The following JMJD6 variants were observed in gnomAD, a reference collection of about 807,000 sequenced individuals.
JMJD6 encodes bifunctional arginine demethylase and lysyl-hydroxylase JMJD6.
A neutral mutation model predicts 45.8 loss-of-function variants in JMJD6; 17 were observed. The ratio of observed to expected loss-of-function variants is 0.37; its 90% CI spans 0.25 to 0.56. The LOEUF is 0.56. JMJD6 is among the 20% of genes least tolerant of loss of function. JMJD6 has a pLI of 0.79. For missense variants in JMJD6, 470 were observed against 517.5 expected (o/e 0.91, Z 0.89); for synonymous variants, 221 against 196.3 (o/e 1.13, Z -1.05).
In JMJD6 at chr17:76,720,493, A is replaced by C; in HGVS notation, c.947T>G (p.Leu316Trp). The C allele has an allele frequency of 6.2e-7, 1 of 1,614,012 alleles. No individual in the cohort carries two copies. The highest frequency in any genetic ancestry group is 8.5e-7 in the Non-Finnish European group (1 of 1,179,928). The change falls in exon 5 of 6, where the codon TTG becomes TGG. Residue 316 changes from leucine to tryptophan, a missense_variant. Coordinates refer to ENST00000397625, the MANE Select transcript of JMJD6 (RefSeq NM_015167.3). Reference sequence around the variant, plus strand: ...TGCCAACTCGGGGTGCTCTTGCTTCAAAATCCTGAGAGGCAAGAAGTGTTG... The same window carrying C: ...TGCCAACTCGGGGTGCTCTTGCTTCCAAATCCTGAGAGGCAAGAAGTGTTG... ...PKLSRKWYRI[L>W]KQEHPELAVL...
rs556078787 is a variant in JMJD6, at chr17:76,726,380, G to A, written c.96C>T (p.Tyr32=). ...CCGCCGGGCTCAGCGAGAAGCTCTC[G>A]TAGTAGTTGTGCCGGGTCCAATCCA... ...DSLDWTRHNY[Y]ESFSLSPAAV... Residue 32 remains tyrosine, a synonymous_variant, in exon 1 of 6, where the codon TAC becomes TAT. Coordinates refer to ENST00000397625, the MANE Select transcript of JMJD6 (RefSeq NM_015167.3). 722 of 1,602,350 alleles carry A rather than the reference G, an allele frequency of 4.5e-4. 3 individuals are homozygous for A. In the South Asian group the frequency reaches 7.1e-3, roughly 16 times the overall value.
Position 76,721,798 on chromosome 17 carries a change from C to A in JMJD6, c.941G>T (p.Arg314Met), listed in dbSNP as rs2076828310. The A allele has an allele frequency of 6.2e-7, 1 of 1,613,724 alleles. No individual in the cohort carries two copies. The highest frequency in any genetic ancestry group is 8.5e-7 in the Non-Finnish European group (1 of 1,179,898). Residue 314 changes from arginine to methionine, a missense_variant and splice_region_variant, in exon 4 of 6, where the codon AGG (arginine) becomes ATG (methionine). Arg to Met is a moderately conservative substitution (Grantham distance 91, BLOSUM62 -1). This residue lies in a region of JMJD6 where 58 missense variants were observed against 103.9 expected (regional missense o/e 0.56). Coordinates refer to ENST00000397625, the MANE Select transcript of JMJD6 (RefSeq NM_015167.3). ...GRPKLSRKWYRILKQEHPELA... is the reference protein window; with the variant it reads ...GRPKLSRKWYMILKQEHPELA... ...GAAATAAGAAAAAAATGACTCTCAC[C>A]TATACCATTTCCTTGATAACTTTGG...
At chr17:76,717,774 A>G (rs945768755), downstream of JMJD6, among the ~76,000 whole-genome samples, 1 of 152,002 alleles carries the variant, frequency 6.6e-6, no homozygotes, top group Non-Finnish European at 1.5e-5. Context: ...GCGGATCACA[A>G]GGTCAGAAGT....
chr17:76,722,617 G>A (rs1365204898), intron 3 of JMJD6, among the ~76,000 whole-genome samples: 7 of 152,082 alleles, frequency 4.6e-5, no homozygotes, highest in South Asian at 4.1e-4. Context: ...AGGCTGAGAC[G>A]GGTGGGTTGC....
intron 2 of JMJD6, among the ~76,000 whole-genome samples, chr17:76,725,130 C>T (rs1213574245): frequency 6.6e-6 from 1 of 152,162 alleles, no homozygotes; most frequent in African/African-American, 2.4e-5. Context: ...AACCACAGGC[C>T]GGGCGCGGTG....
At chr17:76,722,224 C>T (rs950009920) in intron 3 of JMJD6, among the ~76,000 whole-genome samples, 3 of 152,148 alleles carry the variant, frequency 2.0e-5, no homozygotes, top group Admixed American at 6.5e-5. Context: ...ATTGACTCCC[C>T]GGCCCTTTAT....
At chr17:76,714,595 C>A (rs988127181), downstream of JMJD6, 3 of 152,590 alleles carry the variant, frequency 2.0e-5, no homozygotes, top group African/African-American at 7.2e-5. Flanking sequence ...GAGACAGTAA[C>A]GGGGGTTGGG....
chr17:76,719,281 T>A (rs774111076), intron 5 of JMJD6, among the ~76,000 whole-genome samples: 1 of 101,888 alleles, frequency 9.8e-6, no homozygotes, highest in African/African-American at 3.9e-5. Context: ...GTAGACTGTG[T>A]GAAAAGACAG....
chr17:76,723,298 C>T (rs528186371), intron 3 of JMJD6, among the ~76,000 whole-genome samples: 1 of 152,212 alleles, frequency 6.6e-6, no homozygotes, highest in South Asian at 2.1e-4. Context: ...CAAGAGCTCC[C>T]AAAGTATGTG....
exon 7 of JMJD6, chr17:76,712,883 G>A (rs1374891682): frequency 6.6e-6 from 1 of 152,196 alleles, no homozygotes; most frequent in African/African-American, 2.4e-5. Flanking sequence ...TTTCACCCAA[G>A]TGAAAGTTTA....
chr17:76,719,882 G>A (rs930770366), intron 5 of JMJD6, among the ~76,000 whole-genome samples: 1 of 152,214 alleles, frequency 6.6e-6, no homozygotes, highest in Admixed American at 6.5e-5. Flanking sequence ...AGCACTTTGG[G>A]AGGCTGAGGC....
chr17:76,721,114 T>A (rs572391483), intron 4 of JMJD6: 1 of 203,050 alleles, frequency 4.9e-6, no homozygotes, highest in South Asian at 6.8e-5. Context: ...AGGCCTGCGG[T>A]GTGACCAAAT....
Position 76,725,702 on chromosome 17 carries a change from G to A in JMJD6, c.283C>T (p.Arg95Trp), listed in dbSNP as rs2076909886. ...WTLERLKRKY[R>W]NQKFKCGEDN... Reference sequence around the variant, plus strand: ...TCACCACACTTGAACTTCTGGTTCCGATATTTCCTTTTTAGGCGCTCCAGA... The same window carrying A: ...TCACCACACTTGAACTTCTGGTTCCAATATTTCCTTTTTAGGCGCTCCAGA... The change falls in exon 2 of 6, where the codon CGG becomes TGG. Residue 95 changes from arginine to tryptophan, a missense_variant. Coordinates refer to ENST00000397625, the MANE Select transcript of JMJD6 (RefSeq NM_015167.3). 1 of 1,614,034 alleles carries A rather than the reference G, an allele frequency of 6.2e-7. No individual in the cohort carries two copies. Among genetic ancestry groups the A allele is most frequent in the Non-Finnish European group, 8.5e-7 (1 of 1,180,012 alleles).
chr17:76,726,511 G>A lies in JMJD6; in HGVS notation c.-36C>T, dbSNP rs2076941205. 6.4e-7 allele frequency: 1 copy of A among 1,570,044 alleles called. No homozygotes were observed. The highest frequency in any genetic ancestry group is 8.6e-7 in the Non-Finnish European group (1 of 1,159,784). The stretch of plus-strand genomic sequence containing the variant: ...CGCCAGCTGGTTCCGCTACGACCTC[G>A]GCGCAGCCCGCTTCCTGACACTAAC... On this transcript the variant is annotated 5_prime_UTR_variant, in exon 1 of 6. Coordinates refer to ENST00000397625, the MANE Select transcript of JMJD6 (RefSeq NM_015167.3).
Position 76,718,859 on chromosome 17 carries a change from C to G in JMJD6, c.1082G>C (p.Cys361Ser). The G allele has an allele frequency of 6.2e-7, 1 of 1,613,578 alleles. No individual in the cohort carries two copies. Among genetic ancestry groups the G allele is most frequent in the South Asian group, 1.1e-5 (1 of 91,048 alleles). ...CCCATCGCCCTCGGATCCAGACTCG[C>G]ACTGGACACAGGAGGACAGAAAACA... ...SSSSSDSDSE[C>S]ESGSEGDGTV... is the part of the protein sequence containing the mutation. Residue 361 changes from cysteine to serine, a missense_variant and splice_region_variant, in exon 6 of 6, where the codon TGC becomes TCC. Cys to Ser is a moderately radical substitution (Grantham distance 112). Coordinates refer to ENST00000397625, the MANE Select transcript of JMJD6 (RefSeq NM_015167.3).
At position 76,726,514 on chromosome 17, in the gene JMJD6, G is replaced by A; in HGVS notation, c.-39C>T. On this transcript the variant is annotated 5_prime_UTR_variant, in exon 1 of 6. Coordinates refer to ENST00000397625, the MANE Select transcript of JMJD6 (RefSeq NM_015167.3). ...CAGCTGGTTCCGCTACGACCTCGGC[G>A]CAGCCCGCTTCCTGACACTAACGCA... is the stretch of plus-strand genomic sequence containing the variant. 2 of 1,569,040 alleles carry A rather than the reference G, an allele frequency of 1.3e-6. No individual in the cohort carries two copies. The highest frequency in any genetic ancestry group is 8.6e-7 in the Non-Finnish European group (1 of 1,159,386).
In JMJD6 at chr17:76,725,720, G is replaced by A; in HGVS notation, c.265C>T (p.Arg89Cys). The A allele has an allele frequency of 6.2e-7, 1 of 1,613,952 alleles. No homozygotes were observed. The highest frequency in any genetic ancestry group is 1.1e-5 in the South Asian group (1 of 91,078). ...WSAQEKWTLE[R>C]LKRKYRNQKF... ...TGGTTCCGATATTTCCTTTTTAGGC[G>A]CTCCAGAGTCCATTTCTCCTGCGCA... The change falls in exon 2 of 6, where the codon CGC becomes TGC. Residue 89 changes from arginine to cysteine, a missense_variant. Physicochemically the swap from Arg to Cys is radical, Grantham distance 180. Transcript: ENST00000397625.
At position 76,725,661 on chromosome 17, in the gene JMJD6, GT is replaced by G; in HGVS notation, c.323del (p.Tyr108SerfsTer3). ...KFKCGEDNDGYSVKMKMKYYI... is the reference protein window; with the variant it reads ...KFKCGEDNDGXSVKMKMKYYI... ...AGTATTTCATCTTCATCTTCACTGAGTAGCCATCGTTATCCTCACCACACTT... is the reference window on the plus strand; with the variant it reads ...AGTATTTCATCTTCATCTTCACTGAGAGCCATCGTTATCCTCACCACACTT... On this transcript the variant is annotated frameshift_variant, in exon 2 of 6. Coordinates refer to ENST00000397625, the MANE Select transcript of JMJD6 (RefSeq NM_015167.3). LOFTEE classifies it high-confidence loss of function. 6.2e-7 allele frequency: 1 copy of G among 1,614,042 alleles called. No individual in the cohort carries two copies. The highest frequency in any genetic ancestry group is 8.5e-7 in the Non-Finnish European group (1 of 1,180,018).
downstream of JMJD6, chr17:76,716,607 G>T: frequency 7.8e-7 from 1 of 1,284,858 alleles, no homozygotes; most frequent in Non-Finnish European, 1.1e-6. Flanking sequence ...GAAGGTAGGA[G>T]CAGAAGATGC....
Sources: allele counts gnomAD v4.1 joint callset (sites outside exome capture counted in the v4.1 genomes callset), GRCh38; gene constraint gnomAD v4.1.1; regional missense constraint gnomAD v4.1.1; transcripts MANE v1.5; gene names NCBI Gene and HGNC (gene_info 2026-07-23, HGNC 2026-07-21).